Variants in PCDHGC4 observed in about 807,000 individuals in gnomAD.
PCDHGC4 encodes protocadherin gamma subfamily C, 4, also known as protocadherin gamma-C4.
A neutral mutation model predicts 59.7 loss-of-function variants in PCDHGC4; 15 were observed. The ratio of observed to expected loss-of-function variants is 0.25; its 90% CI spans 0.17 to 0.39. The LOEUF is 0.39. PCDHGC4 is among the 10% of genes least tolerant of loss of function. PCDHGC4 has a pLI of 1.00. For missense variants in PCDHGC4, 1,016 were observed against 1,189.5 expected, an observed-to-expected ratio of 0.85 and a Z score of 2.15; for synonymous variants, 434 against 481.4, an observed-to-expected ratio of 0.90 and a Z score of 1.29.
chr5:141,502,282 C>A (rs187281689), intron 2 of PCDHGC4, among the ~76,000 whole-genome samples: 1 of 151,848 alleles, frequency 6.6e-6, no homozygotes, highest in Non-Finnish European at 1.5e-5. Flanking sequence ...GCATAGATTG[C>A]ATTTGGTTGT....
In PCDHGC4 at chr5:141,511,233, T is replaced by C. The variant is rs776405064; in HGVS notation, c.*60T>C. 5.0e-6 allele frequency: 8 copies of C among 1,595,310 alleles called. No homozygotes were observed. Among genetic ancestry groups the C allele is most frequent in the Non-Finnish European group, 6.8e-6 (8 of 1,170,902 alleles). On this transcript the variant is annotated 3_prime_UTR_variant, in exon 4 of 4. Transcript: ENST00000306593. ...CTCCCCAACCAGCCCAGCTTCTCCT[T>C]ACCTGCACCCAGGCCTCAGAGTTTC...
chr5:141,504,765 C>T lies in PCDHGC4; in HGVS notation c.2502-628C>T, dbSNP rs548234873. ...ATTGAATTTTAGAAATTTCTTCTCC[C>T]TGCTCCAGGGTCTCTTGGGGCCTCC... On this transcript the variant is annotated intron_variant, in intron 2 of 3. Transcript: ENST00000306593. Among the ~76,000 whole-genome samples, 4 of 152,156 alleles carry T rather than the reference C, an allele frequency of 2.6e-5. No homozygotes were observed. The South Asian group carries it at 8.3e-4, about 32-fold the overall frequency.
rs1007318194 is a variant in PCDHGC4, at chr5:141,512,035, T to G, written c.*862T>G. On this transcript the variant is annotated 3_prime_UTR_variant, in exon 4 of 4. Coordinates refer to ENST00000306593, the MANE Select transcript of PCDHGC4 (RefSeq NM_018928.3). ...AAGTTATCAAGGCCTTGGAGGAGGC[T>G]CTGTATGTCCTCAGGGGACTGACAA... 1.3e-5 allele frequency: 2 copies of G among 152,870 alleles called. No individual in the cohort carries two copies. Among genetic ancestry groups the G allele is most frequent in the African/African-American group, 4.8e-5 (2 of 41,464 alleles). The allele number at this position is 152,870 out of a possible 1,614,324, so 9.5% of individuals were successfully genotyped here.
At chr5:141,510,900 G>A in intron 3 of PCDHGC4, 47 bp from the exon 4 acceptor site, 6 of 1,613,378 alleles carry the variant, frequency 3.7e-6, no homozygotes, top group Non-Finnish European at 5.1e-6. Context: ...AGTGACTGTT[G>A]AGGACCCTAA....
intron 2 of PCDHGC4, among the ~76,000 whole-genome samples, chr5:141,504,288 G>GT (rs1175142876): frequency 6.6e-6 from 1 of 152,124 alleles, no homozygotes; most frequent in African/African-American, 2.4e-5. Context: ...ATCATTTCAT[G>GT]TTTTTTCAAC....
chr5:141,504,474 G>A (rs903417314), intron 2 of PCDHGC4, among the ~76,000 whole-genome samples: 1 of 152,066 alleles, frequency 6.6e-6, no homozygotes, highest in African/African-American at 2.4e-5. Context: ...TGGGATGGGA[G>A]TACAGTGGAG....
intron 2 of PCDHGC4, among the ~76,000 whole-genome samples, chr5:141,502,067 CCTTCACCTGGGG>C (rs1307097799): frequency 6.6e-6 from 1 of 152,172 alleles, no homozygotes; most frequent in Non-Finnish European, 1.5e-5. Flanking sequence ...CCATTAGCCC[CCTTCACCTGGGG>C]CTGAGAACAC....
Position 141,485,096 on chromosome 5 carries a change from C to T in PCDHGC4, c.-78C>T, listed in dbSNP as rs1166994104. On this transcript the variant is annotated 5_prime_UTR_variant, in exon 1 of 4. Coordinates refer to ENST00000306593, the MANE Select transcript of PCDHGC4 (RefSeq NM_018928.3). This position sits in a 1 kb window ranked among gnomAD's most constrained non-coding sequence, Gnocchi z 5.7. The stretch of plus-strand genomic sequence containing the variant: ...CGCGGGGAAAGGGAGATAGGTGTCT[C>T]CAGCTGCTGTGGCTGTTTGGGGCGG... The T allele has an allele frequency of 1.8e-6, 2 of 1,125,566 alleles. No homozygotes were observed. The highest frequency in any genetic ancestry group is 3.1e-5 in the African/African-American group (2 of 64,908). 69.7% of individuals were successfully genotyped at this position (1,125,566 alleles called of 1,614,324 possible).
chr5:141,490,151 T>C lies in PCDHGC4; in HGVS notation c.2442+2536T>C, dbSNP rs1449636059. The stretch of plus-strand genomic sequence containing the variant: ...GACCCTAGCAGTGGGGCAATCCATG[T>C]GTTGGGTCCCATAGACTTTGAGGAG... On this transcript the variant is annotated intron_variant, in intron 1 of 3. Transcript: ENST00000306593. The surrounding 1 kb of genome is among the most constrained non-coding windows in gnomAD (Gnocchi z 5.4). 4 of 1,614,210 alleles carry C rather than the reference T, an allele frequency of 2.5e-6. No homozygotes were observed. The highest frequency in any genetic ancestry group is 3.4e-6 in the Non-Finnish European group (4 of 1,180,018).
Position 141,489,752 on chromosome 5 carries a change from C to G in PCDHGC4, c.2442+2137C>G. ...GGCACCAATACTGTGAGCTTTTACA[C>G]TCTAAGCCCCAACAGCCACTTCTCT... On this transcript the variant is annotated intron_variant, in intron 1 of 3. Coordinates refer to ENST00000306593, the MANE Select transcript of PCDHGC4 (RefSeq NM_018928.3). This position sits in a 1 kb window ranked among gnomAD's most constrained non-coding sequence, Gnocchi z 4.5. The G allele has an allele frequency of 6.2e-7, 1 of 1,614,136 alleles. No individual in the cohort carries two copies. The highest frequency in any genetic ancestry group is 8.5e-7 in the Non-Finnish European group (1 of 1,179,972).
chr5:141,496,981 T>A (rs928774783), intron 2 of PCDHGC4, among the ~76,000 whole-genome samples: 1 of 150,304 alleles, frequency 6.7e-6, no homozygotes, highest in African/African-American at 2.5e-5. Context: ...AGGTCAGGGG[T>A]TTGAGACCAG....
intron 2 of PCDHGC4, among the ~76,000 whole-genome samples, chr5:141,503,608 AAAAAAAG>A (rs1483073868): frequency 3.3e-5 from 5 of 151,876 alleles, no homozygotes; most frequent in South Asian, 2.1e-4. Context: ...CAAAAAAAAA[AAAAAAAG>A]AAAAAAGAAA....
rs759809591 is a variant in PCDHGC4 at position 141,511,048 on chromosome 5, C to T, written c.2692C>T (p.Arg898Cys). The change falls in exon 4 of 4, where the codon CGC becomes TGC. Residue 898 changes from arginine (R) to cysteine (C), a missense_variant. Coordinates refer to ENST00000306593, the MANE Select transcript of PCDHGC4 (RefSeq NM_018928.3). ...QFTLQHVPDY[R>C]QNVYIPGSNA... ...CACCCTGCAGCACGTGCCCGACTAC[C>T]GCCAGAATGTCTACATCCCAGGCAG... 9 of 1,614,224 alleles carry T rather than the reference C, an allele frequency of 5.6e-6. No individual in the cohort carries two copies. The highest frequency in any genetic ancestry group is 1.7e-5 in the Admixed American group (1 of 60,034).
chr5:141,494,924 TGGGAGGAGATGGGGGAG>T, intron 2 of PCDHGC4, 59 bp downstream of exon 2: 1 of 1,613,498 alleles, frequency 6.2e-7, no homozygotes, highest in Admixed American at 1.7e-5. Flanking sequence ...AGGGATGACG[TGGGAGGAGATGGGGGAG>T]GGCCCAGCAT....
chr5:141,508,045 T>A (rs985875804), intron 3 of PCDHGC4: 1 of 152,264 alleles, frequency 6.6e-6, no homozygotes, highest in Non-Finnish European at 1.5e-5. Flanking sequence ...GCCAGCTGTG[T>A]TCCAGCTAAT....
intron 1 of PCDHGC4, among the ~76,000 whole-genome samples, chr5:141,488,802 A>G (rs910422824): frequency 2.0e-5 from 3 of 152,294 alleles, no homozygotes; most frequent in Middle Eastern, 3.4e-3. Flanking sequence ...CCTGTTGAGT[A>G]CCATCTGAGC....
At chr5:141,499,966 G>A (rs1403177792) in intron 2 of PCDHGC4, among the ~76,000 whole-genome samples, 1 of 151,988 alleles carries the variant, frequency 6.6e-6, no homozygotes, top group African/African-American at 2.4e-5. Flanking sequence ...GGGATTACAG[G>A]TGTGAGCCAC....
At position 141,487,892 on chromosome 5, in the gene PCDHGC4, T is replaced by C; in HGVS notation, c.2442+277T>C. The C allele has an allele frequency of 2.7e-6, 2 of 731,410 alleles. No individual in the cohort carries two copies. The highest frequency in any genetic ancestry group is 4.4e-6 in the Non-Finnish European group (2 of 450,094). 45.3% of individuals were successfully genotyped at this position (731,410 alleles called of 1,614,324 possible). On this transcript the variant is annotated intron_variant, in intron 1 of 3. Coordinates refer to ENST00000306593, the MANE Select transcript of PCDHGC4 (RefSeq NM_018928.3). This position sits in a 1 kb window ranked among gnomAD's most constrained non-coding sequence, Gnocchi z 5.0. ...GAGCCAGGCTGTTGTGGAAGCATGA[T>C]GATGGAATGTGGGAGCACAGGAGGC...
intron 2 of PCDHGC4, among the ~76,000 whole-genome samples, chr5:141,500,806 T>C (rs2099802700): frequency 6.6e-6 from 1 of 152,240 alleles, no homozygotes; most frequent in Non-Finnish European, 1.5e-5. Context: ...AGTCCTCATA[T>C]GAATATACAT....
Sources: gnomAD v4.1 joint callset for allele counts (sites outside exome capture counted in the v4.1 genomes callset) on GRCh38, gnomAD v4.1.1 for gene constraint, Gnocchi (gnomAD v3.1) non-coding constraint, MANE v1.5 for transcripts, NCBI Gene and HGNC (gene_info 2026-07-23, HGNC 2026-07-21) for gene names.